The following ACBD6 variants were observed in gnomAD, a reference collection of about 807,000 sequenced individuals.
The protein encoded by ACBD6 is acyl-CoA binding domain containing 6.
Under a neutral mutation model 37.2 loss-of-function variants are expected in ACBD6, and 28 were observed. The observed-to-expected ratio is 0.75, with a 90% confidence interval of 0.56 to 1.03. ACBD6 has a LOEUF of 1.03. Among genes scored for constraint, ACBD6 ranks in the 50% least tolerant of loss-of-function variants. The probability of loss-of-function intolerance (pLI) is 0.00; values close to 1 mark genes in which losing one functional copy is unlikely to be tolerated. For missense variants in ACBD6, 340 were observed against 337.4 expected, an observed-to-expected ratio of 1.01 and a Z score of -0.06; for synonymous variants, 113 against 126.8, an observed-to-expected ratio of 0.89 and a Z score of 0.73.
In ACBD6 at chr1:180,333,593, G is replaced by A. The variant is rs994862346; in HGVS notation, c.664-18871C>T. ...ACTGACAGCTCCCAGTGTGAGCGAC[G>A]CAGAAGACGGGTGATTTCTGCATTT... On this transcript the variant is annotated intron_variant, in intron 6 of 7. Transcript: ENST00000367595. 1.4e-4 allele frequency among the ~76,000 whole-genome samples: 22 copies of A among 152,302 alleles called. 1 individual carries two copies. Among genetic ancestry groups the A allele is most frequent in the Admixed American group, 3.3e-4 (5 of 15,302 alleles).
At chr1:180,353,740 T>C (rs1446705450) in intron 6 of ACBD6, among the ~76,000 whole-genome samples, 1 of 97,620 alleles carries the variant, frequency 1.0e-5, no homozygotes, top group Non-Finnish European at 2.0e-5. Flanking sequence ...AAAAAGAGCT[T>C]GTGGTGGTTA....
At chr1:180,493,339 C>T (rs1651599985) in intron 2 of ACBD6, among the ~76,000 whole-genome samples, 2 of 144,248 alleles carry the variant, frequency 1.4e-5, no homozygotes, top group Admixed American at 1.4e-4. Flanking sequence ...ATATAAATGG[C>T]AAAAGCAACA....
intron 3 of ACBD6, among the ~76,000 whole-genome samples, chr1:180,463,683 G>C (rs1467575194): frequency 6.6e-6 from 1 of 152,192 alleles, no homozygotes; most frequent in Non-Finnish European, 1.5e-5. Flanking sequence ...CTGAAAAGGA[G>C]GGAGTCCTCC....
intron 6 of ACBD6, among the ~76,000 whole-genome samples, chr1:180,358,450 A>AACAAC (rs1558265204): frequency 2.0e-4 from 2 of 10,054 alleles, no homozygotes; most frequent in African/African-American, 3.2e-4. Context: ...ACAACAACAA[A>AACAAC]AAAAAAAAAC....
intron 3 of ACBD6, among the ~76,000 whole-genome samples, chr1:180,465,116 C>A (rs1192493440): frequency 6.6e-6 from 1 of 151,944 alleles, no homozygotes; most frequent in African/African-American, 2.4e-5. Context: ...CTGGACACAG[C>A]AAAGATTTCA....
intron 9 of ACBD6, among the ~76,000 whole-genome samples, chr1:180,279,663 A>T (rs766658581): frequency 2.0e-5 from 3 of 152,104 alleles, no homozygotes; most frequent in African/African-American, 4.8e-5. Flanking sequence ...AGTATATGCA[A>T]ATGTCTATAT....
chr1:180,419,291 T>C (rs988315745), intron 4 of ACBD6, among the ~76,000 whole-genome samples: 21 of 152,334 alleles, frequency 1.4e-4, no homozygotes, highest in African/African-American at 4.1e-4. Context: ...GGATGACAAA[T>C]AGACATTTGG....
chr1:180,312,614 T>C (rs1650637067), intron 7 of ACBD6, among the ~76,000 whole-genome samples: 1 of 152,222 alleles, frequency 6.6e-6, no homozygotes, highest in African/African-American at 2.4e-5. Context: ...CATGTTTTTC[T>C]TGTTTCGGAT....
rs1443185886 is a variant in ACBD6, at chr1:180,430,274, A to T, written c.385-12T>A. 1.2e-6 allele frequency: 2 copies of T among 1,609,882 alleles called. No homozygotes were observed. Reference sequence around the variant, plus strand: ...TTCTTCTCTGGTATCTGTGGGAAGGAGAAAAAAAAGTGAAAAAAAGACAAA... The same window carrying T: ...TTCTTCTCTGGTATCTGTGGGAAGGTGAAAAAAAAGTGAAAAAAAGACAAA... On this transcript the variant is annotated splice_polypyrimidine_tract_variant and intron_variant, in intron 3 of 7. Transcript: ENST00000367595.
intron 3 of ACBD6, among the ~76,000 whole-genome samples, chr1:180,488,213 A>G (rs56233435): frequency 0.044 from 6,627 of 152,226 alleles, 461 homozygotes; most frequent in African/African-American, 0.14. Flanking sequence ...GAAGTTCCTT[A>G]TATTATTCGA....
intron 6 of ACBD6, among the ~76,000 whole-genome samples, chr1:180,382,361 G>A (rs900917938): frequency 6.6e-6 from 1 of 151,734 alleles, no homozygotes; most frequent in Non-Finnish European, 1.5e-5. Context: ...AATCAGAAAC[G>A]AAAAGGAGAC....
intron 6 of ACBD6, among the ~76,000 whole-genome samples, chr1:180,355,006 C>T (rs887810492): frequency 2.0e-5 from 3 of 152,058 alleles, no homozygotes; most frequent in African/African-American, 7.2e-5. Flanking sequence ...TTTTGTATAC[C>T]TTTCTGCATG....
intron 7 of ACBD6, among the ~76,000 whole-genome samples, chr1:180,294,643 A>G (rs554974653): frequency 2.7e-4 from 41 of 151,884 alleles, no homozygotes; most frequent in Non-Finnish European, 3.5e-4. Flanking sequence ...TTGCTTTATA[A>G]TATCTTTAGG....
intron 6 of ACBD6, among the ~76,000 whole-genome samples, chr1:180,365,971 A>C (rs1009791321): frequency 2.0e-5 from 3 of 152,190 alleles, no homozygotes; most frequent in Non-Finnish European, 4.4e-5. Context: ...ATAACTAAGC[A>C]AATTGCTTGG....
At chr1:180,467,817 G>A (rs990876007) in intron 3 of ACBD6, among the ~76,000 whole-genome samples, 4 of 41,868 alleles carry the variant, frequency 9.6e-5, no homozygotes, top group Non-Finnish European at 1.8e-4. Context: ...TTCCCCTATT[G>A]AGATCCATTT....
intron 3 of ACBD6, among the ~76,000 whole-genome samples, chr1:180,445,427 C>A (rs921955327): frequency 2.0e-5 from 3 of 152,174 alleles, no homozygotes; most frequent in Non-Finnish European, 2.9e-5. Context: ...GGAATATTTT[C>A]TATGTGCTTA....
chr1:180,450,776 CA>C (rs996922298), intron 3 of ACBD6, among the ~76,000 whole-genome samples: 8 of 150,870 alleles, frequency 5.3e-5, no homozygotes, highest in African/African-American at 1.9e-4. Context: ...AACAAACAAA[CA>C]AAAAAAAACT....
At chr1:180,372,625 C>T (rs1405707045) in intron 6 of ACBD6, among the ~76,000 whole-genome samples, 6 of 152,044 alleles carry the variant, frequency 3.9e-5, no homozygotes, top group Admixed American at 2.0e-4. Context: ...TGGATTTTAC[C>T]GGCAATGTGA....
chr1:180,339,164 A>T lies in ACBD6; in HGVS notation c.664-24442T>A, dbSNP rs558073356. 1.7e-3 allele frequency among the ~76,000 whole-genome samples: 256 copies of T among 152,358 alleles called. 2 individuals carry two copies. The highest frequency in any genetic ancestry group is 2.1e-3 in the Non-Finnish European group (144 of 68,034). On this transcript the variant is annotated intron_variant, in intron 6 of 7. Coordinates refer to ENST00000367595, the MANE Select transcript of ACBD6 (RefSeq NM_032360.4). ...TAGAACTAGAAATATCATTTGACCC[A>T]GCCATCCCATTACTGGGTATATACC...
Sources: gnomAD v4.1 joint callset for allele counts (sites outside exome capture counted in the v4.1 genomes callset) on GRCh38, gnomAD v4.1.1 for gene constraint, MANE v1.5 for transcripts, NCBI Gene and HGNC (gene_info 2026-07-23, HGNC 2026-07-21) for gene names.